The following DYNC2H1 variants were observed in gnomAD, a reference collection of about 807,000 sequenced individuals.
DYNC2H1 encodes the protein dynein cytoplasmic 2 heavy chain 1, also known as cytoplasmic dynein 2 heavy chain 1.
DYNC2H1 carries 410 observed loss-of-function variants against 570.0 expected under a neutral mutation model. The ratio of observed to expected loss-of-function variants is 0.72; its 90% CI spans 0.66 to 0.78. The LOEUF is 0.78. Ranked by LOEUF, DYNC2H1 falls within the 30% of genes least tolerant of loss-of-function variation. The pLI, the probability that DYNC2H1 is intolerant of heterozygous loss-of-function variation, is 0.00. For synonymous variants in DYNC2H1, 1,688 were observed against 1,677.6 expected, an observed-to-expected ratio of 1.01 and a Z score of -0.15; for missense variants, 4,865 against 5,046.4, an observed-to-expected ratio of 0.96 and a Z score of 1.09.
chr11:103,123,295 C>T (rs1858818212), intron 11 of DYNC2H1, among the ~76,000 whole-genome samples: 1 of 151,908 alleles, frequency 6.6e-6, no homozygotes, highest in Non-Finnish European at 1.5e-5. Context: ...GTTTTTCTAC[C>T]TGTTTACATT....
intron 83 of DYNC2H1, among the ~76,000 whole-genome samples, chr11:103,382,603 T>C (rs1223597618): frequency 6.6e-6 from 1 of 152,236 alleles, no homozygotes; most frequent in Non-Finnish European, 1.5e-5. Context: ...ACGATACTTA[T>C]TTGTAATACA....
At chr11:103,148,386 C>A in intron 19 of DYNC2H1, 104 bp from the exon 20 acceptor site, 1 of 1,200,992 alleles carries the variant, frequency 8.3e-7, no homozygotes, top group Non-Finnish European at 1.2e-6. Context: ...TTATTGTATT[C>A]CATGTACTGA....
chr11:103,299,674 C>T lies in DYNC2H1; in HGVS notation c.11096-3419C>T, dbSNP rs896439536. Among the ~76,000 whole-genome samples, 5 of 152,038 alleles carry T rather than the reference C, an allele frequency of 3.3e-5. No individual in the cohort carries two copies. The highest frequency in any genetic ancestry group is 7.4e-5 in the Non-Finnish European group (5 of 67,988). ...TTGACTCTAACAAGAGAAACTGCTC[C>T]GCTTTCAAGGGGTCAATTGATTAGC... On this transcript the variant is annotated intron_variant, in intron 75 of 88. Coordinates refer to ENST00000375735, the MANE Select transcript of DYNC2H1 (RefSeq NM_001377.3). This position sits in a 1 kb window ranked among gnomAD's most constrained non-coding sequence, Gnocchi z 4.5.
At position 103,129,795 on chromosome 11, in the gene DYNC2H1, T is replaced by C. The variant is rs1224244631; in HGVS notation, c.1953+790T>C. On this transcript the variant is annotated intron_variant, in intron 13 of 88. Coordinates refer to ENST00000375735, the MANE Select transcript of DYNC2H1 (RefSeq NM_001377.3). The surrounding 1 kb of genome is among the most constrained non-coding windows in gnomAD (Gnocchi z 4.1). ...TTGAAGTCTGTATTTTTAGTCTTCA[T>C]AGACATGAAATGTTTGACAAAAATA... is the stretch of plus-strand genomic sequence containing the variant. Among the ~76,000 whole-genome samples, 3 of 152,216 alleles carry C rather than the reference T, an allele frequency of 2.0e-5. No individual in the cohort carries two copies. The highest frequency in any genetic ancestry group is 7.2e-5 in the African/African-American group (3 of 41,464).
intron 82 of DYNC2H1, among the ~76,000 whole-genome samples, chr11:103,352,374 T>A (rs1051127518): frequency 1.3e-5 from 2 of 152,200 alleles, no homozygotes; most frequent in Admixed American, 6.5e-5. Context: ...ACTATAATAT[T>A]CCTCCAGAAT....
chr11:103,169,065 A>G lies in DYNC2H1; in HGVS notation c.4968+105A>G, dbSNP rs1237212519. ...TTTTTATTTAAGTAGTAATTTTTCCATAATATTTTTAGTATTATTGTCTTG... is the reference window on the plus strand; with the variant it reads ...TTTTTATTTAAGTAGTAATTTTTCCGTAATATTTTTAGTATTATTGTCTTG... On this transcript the variant is annotated intron_variant, in intron 32 of 88. Transcript: ENST00000375735. 8 of 1,064,734 alleles carry G rather than the reference A, an allele frequency of 7.5e-6. No homozygotes were observed. The African/African-American group carries it at 9.7e-5, about 13-fold the overall frequency. The allele number at this position is 1,064,734 out of a possible 1,614,324, so 66.0% of individuals were successfully genotyped here. A position where few individuals can be genotyped will look rare whatever the true frequency, so the allele number is the denominator to read the frequency against.
chr11:103,274,512 A>T (rs1865834477), intron 70 of DYNC2H1, among the ~76,000 whole-genome samples: 1 of 151,922 alleles, frequency 6.6e-6, no homozygotes, highest in African/African-American at 2.4e-5. Flanking sequence ...ACCTTAAACT[A>T]TATGTTATTA....
chr11:103,156,274 TG>T, intron 25 of DYNC2H1, 113 bp from the exon 26 acceptor site: 10 of 1,083,970 alleles, frequency 9.2e-6, no homozygotes, highest in East Asian at 5.4e-5. Flanking sequence ...TTTTTTTTTT[TG>T]CCTTATGGTG....
intron 83 of DYNC2H1, among the ~76,000 whole-genome samples, chr11:103,378,633 C>T (rs947795322): frequency 3.3e-5 from 5 of 152,152 alleles, no homozygotes; most frequent in Non-Finnish European, 7.3e-5. Flanking sequence ...GTGTCTGGCT[C>T]AAGAGAGTAA....
At chr11:103,246,991 T>C (rs1864642458) in intron 65 of DYNC2H1, among the ~76,000 whole-genome samples, 1 of 150,888 alleles carries the variant, frequency 6.6e-6, no homozygotes, top group African/African-American at 2.4e-5. Context: ...TTTTTCTCTC[T>C]CTCTCTCCTT....
chr11:103,110,953 G>C (rs561304914), intron 1 of DYNC2H1, among the ~76,000 whole-genome samples: 1 of 152,076 alleles, frequency 6.6e-6, no homozygotes, highest in African/African-American at 2.4e-5. Context: ...AGCCTCCCAA[G>C]TAGCTGGGAT....
At chr11:103,442,201 C>G (rs1295730500) in intron 85 of DYNC2H1, among the ~76,000 whole-genome samples, 1 of 151,956 alleles carries the variant, frequency 6.6e-6, no homozygotes, top group African/African-American at 2.4e-5. Flanking sequence ...TATATGCCAG[C>G]CACTGTTCTT....
chr11:103,339,716 A>G (rs776271982), intron 82 of DYNC2H1, among the ~76,000 whole-genome samples: 6 of 152,156 alleles, frequency 3.9e-5, no homozygotes, highest in Non-Finnish European at 8.8e-5. Flanking sequence ...CTCTGATGCC[A>G]GTGCAGCACT....
intron 59 of DYNC2H1, among the ~76,000 whole-genome samples, chr11:103,224,644 T>C (rs1331961946): frequency 6.6e-6 from 1 of 152,242 alleles, no homozygotes; most frequent in East Asian, 1.9e-4. Context: ...CTTTATCCAC[T>C]GGCTGAATGA....
intron 86 of DYNC2H1, among the ~76,000 whole-genome samples, chr11:103,455,645 C>G (rs746892925): frequency 2.0e-5 from 3 of 152,132 alleles, no homozygotes; most frequent in Non-Finnish European, 4.4e-5. Context: ...TTCAGTAACT[C>G]TAACCACATT....
intron 63 of DYNC2H1, among the ~76,000 whole-genome samples, chr11:103,242,316 A>G (rs1243667804): frequency 1.3e-5 from 2 of 152,186 alleles, no homozygotes; most frequent in African/African-American, 4.8e-5. Flanking sequence ...TAGAACAACT[A>G]TAACAGTATA....
rs532333082 is a variant in DYNC2H1 at position 103,470,357 on chromosome 11, T to A, written c.12765+1652T>A. 9.5e-4 allele frequency among the ~76,000 whole-genome samples: 145 copies of A among 152,286 alleles called. 4 individuals are homozygous for A. In the South Asian group the frequency reaches 0.029, roughly 31 times the overall value. ...GAAAAATAGCTCATATAAAGAGAGGTAAAATGAATAGAGCATTTATCCTAT... is the reference window on the plus strand; with the variant it reads ...GAAAAATAGCTCATATAAAGAGAGGAAAAATGAATAGAGCATTTATCCTAT... On this transcript the variant is annotated intron_variant, in intron 88 of 88. Coordinates refer to ENST00000375735, the MANE Select transcript of DYNC2H1 (RefSeq NM_001377.3).
chr11:103,213,326 A>G (rs1303268510), intron 54 of DYNC2H1, among the ~76,000 whole-genome samples: 2 of 152,280 alleles, frequency 1.3e-5, no homozygotes, highest in East Asian at 1.9e-4. Flanking sequence ...AAAATTAGAA[A>G]AGGTTTAGTG....
rs914483901 is a variant in DYNC2H1, at chr11:103,148,579, A to T, written c.2908A>T (p.Asn970Tyr). 1.1e-5 allele frequency: 17 copies of T among 1,570,310 alleles called. No individual in the cohort carries two copies. Among genetic ancestry groups the T allele is most frequent in the Non-Finnish European group, 1.4e-5 (16 of 1,156,284 alleles). Residue 970 changes from asparagine to tyrosine, a missense_variant, in exon 20 of 89, where the codon AAT (asparagine) becomes TAT (tyrosine). By Grantham distance (143) the Asn-to-Tyr change is moderately radical. Coordinates refer to ENST00000375735, the MANE Select transcript of DYNC2H1 (RefSeq NM_001377.3). ...PQSVEEIGDA[N>Y]LQYSKLQERK... The stretch of plus-strand genomic sequence containing the variant: ...GTCTGTGGAAGAAATTGGTGATGCA[A>T]ATCTACAATATAGTAAGTTACAAGA...
Sources: allele counts gnomAD v4.1 joint callset (sites outside exome capture counted in the v4.1 genomes callset), GRCh38; gene constraint gnomAD v4.1.1; non-coding constraint Gnocchi (gnomAD v3.1); transcripts MANE v1.5; gene names NCBI Gene and HGNC (gene_info 2026-07-23, HGNC 2026-07-21).